The following UBAP1 variants were observed in gnomAD, a reference collection of about 807,000 sequenced individuals.
UBAP1 encodes ubiquitin associated protein 1.
Under a neutral mutation model 39.0 loss-of-function variants are expected in UBAP1, and 5 were observed. That is an observed-to-expected ratio of 0.13 (90% CI 0.07 to 0.27). The LOEUF (loss-of-function observed/expected upper bound fraction) is 0.27. Ranked by LOEUF, UBAP1 falls within the 10% of genes least tolerant of loss-of-function variation. The probability of loss-of-function intolerance (pLI) is 1.00; values close to 1 mark genes in which losing one functional copy is unlikely to be tolerated. For synonymous variants in UBAP1, 211 were observed against 225.1 expected (o/e 0.94, Z 0.56); for missense variants, 490 against 608.1 (o/e 0.81, Z 2.04).
At chr9:34,186,590 A>AT (rs1563884160) in intron 1 of UBAP1, among the ~76,000 whole-genome samples, 116 of 151,916 alleles carry the variant, frequency 7.6e-4, no homozygotes, top group African/African-American at 2.7e-3. Flanking sequence ...AATTGTATCT[A>AT]TAGTGTTTTT....
At chr9:34,234,160 GCAAAA>G in intron 2 of UBAP1, 51 bp from the exon 3 acceptor site, 1 of 1,545,892 alleles carries the variant, frequency 6.5e-7, no homozygotes, top group African/African-American at 1.4e-5. Context: ...TAAGATTATG[GCAAAA>G]CAAATAATGA....
rs755532776 is a variant in UBAP1 at position 34,179,113 on chromosome 9, G to A, written c.-135G>A. ...ACGGTGACGGCCTGGCCCGGAGCGG[G>A]CAGAGTTGGAGGTGGTGGCGTTCGC... On this transcript the variant is annotated 5_prime_UTR_variant, in exon 1 of 7. Transcript: ENST00000297661. The A allele has an allele frequency of 2.0e-5, 25 of 1,275,848 alleles. No homozygotes were observed. Among genetic ancestry groups the A allele is most frequent in the Non-Finnish European group, 2.4e-5 (24 of 1,009,076 alleles). The allele number at this position is 1,275,848 out of a possible 1,614,324, so 79.0% of individuals were successfully genotyped here.
chr9:34,251,408 A>G lies in UBAP1; in HGVS notation c.1385A>G (p.Gln462Arg). The G allele has an allele frequency of 6.2e-7, 1 of 1,614,178 alleles. No individual in the cohort carries two copies. Among genetic ancestry groups the G allele is most frequent in the South Asian group, 1.1e-5 (1 of 91,078 alleles). ...CTCCCTTAGATGATGGAGTTTCTTC[A>G]GTTAATGAGCAAATTTAAGGAGATG... ...CSEEKMMEFL[Q>R]LMSKFKEMGF... The change falls in exon 7 of 7, where the codon CAG becomes CGG. Residue 462 changes from glutamine to arginine, a missense_variant. This residue lies in a region of UBAP1 where 339 missense variants were observed against 390.0 expected (regional missense o/e 0.87). Transcript: ENST00000297661.
chr9:34,185,482 G>A (rs1830355747), intron 1 of UBAP1, among the ~76,000 whole-genome samples: 1 of 152,094 alleles, frequency 6.6e-6, no homozygotes, highest in African/African-American at 2.4e-5. Flanking sequence ...TCAGGAAGTC[G>A]AGGCTGCAGT....
intron 1 of UBAP1, among the ~76,000 whole-genome samples, chr9:34,216,723 G>A (rs1178528465): frequency 7.5e-6 from 1 of 133,030 alleles, no homozygotes; most frequent in Admixed American, 9.1e-5. Context: ...CATGGCTCAC[G>A]GCAACCTTTG....
Position 34,251,447 on chromosome 9 carries a change from A to G in UBAP1, c.1424A>G (p.Lys475Arg). The G allele has an allele frequency of 1.2e-6, 2 of 1,614,138 alleles. No homozygotes were observed. The highest frequency in any genetic ancestry group is 1.7e-6 in the Non-Finnish European group (2 of 1,179,994). ...TTTAAGGAGATGGGCTTTGAGCTGA[A>G]AGACATTAAGGAAGTTTTGCTATTA... ...SKFKEMGFEL[K>R]DIKEVLLLHN... Residue 475 changes from lysine to arginine, a missense_variant, in exon 7 of 7, where the codon AAA becomes AGA. This residue lies in a region of UBAP1 where 339 missense variants were observed against 390.0 expected (regional missense o/e 0.87). Transcript: ENST00000297661.
intron 1 of UBAP1, among the ~76,000 whole-genome samples, chr9:34,196,962 C>G (rs1338541861): frequency 6.7e-6 from 1 of 150,104 alleles, no homozygotes; most frequent in African/African-American, 2.5e-5. Flanking sequence ...GAGTCTCACT[C>G]TGTAACCCAG....
chr9:34,226,133 G>GTGTT lies in UBAP1; in HGVS notation c.34+5188_34+5189insTTGT, dbSNP rs1554650852. Among the ~76,000 whole-genome samples the GTGTT allele has an allele frequency of 7.9e-3, 1,126 of 143,310 alleles. 13 individuals carry two copies. The highest frequency in any genetic ancestry group is 0.023 in the African/African-American group (864 of 37,564). The allele number at this position is 143,310 out of a possible 152,430, so 94.0% of individuals were successfully genotyped here. A position where few individuals can be genotyped will look rare whatever the true frequency, so the allele number is the denominator to read the frequency against. On this transcript the variant is annotated intron_variant, in intron 2 of 6. Coordinates refer to ENST00000297661, the MANE Select transcript of UBAP1 (RefSeq NM_016525.5). The stretch of plus-strand genomic sequence containing the variant: ...TGTGTGTGTGTGTGTGTGTGTGTGT[G>GTGTT]TGTGTGTGTGTGTGTGTGTGTGTGG...
chr9:34,193,562 C>G (rs1409829567), intron 1 of UBAP1, among the ~76,000 whole-genome samples: 1 of 152,106 alleles, frequency 6.6e-6, no homozygotes, highest in Non-Finnish European at 1.5e-5. Context: ...GATCTTATGA[C>G]CCACTGTCTT....
intron 1 of UBAP1, among the ~76,000 whole-genome samples, chr9:34,187,822 G>T (rs1370886652): frequency 2.1e-5 from 3 of 146,224 alleles, no homozygotes; most frequent in Non-Finnish European, 3.0e-5. Context: ...AATGTTTTTT[G>T]CTTTTTTTAA....
chr9:34,179,392 C>T (rs777223143), intron 1 of UBAP1, among the ~76,000 whole-genome samples, 152 bp downstream of exon 1: 5 of 151,792 alleles, frequency 3.3e-5, no homozygotes, highest in African/African-American at 4.8e-5. Context: ...CGGAGATCCG[C>T]GATTCGGGGA....
Position 34,251,690 on chromosome 9 carries a change from CCT to C in UBAP1, c.*159_*160del. The C allele has an allele frequency of 1.2e-6, 1 of 804,470 alleles. No homozygotes were observed. The highest frequency in any genetic ancestry group is 2.9e-5 in the Admixed American group (1 of 34,238). 49.8% of individuals were successfully genotyped at this position (804,470 alleles called of 1,614,324 possible). ...CTCGCCAGTCTCTGTGAGCCTAGGC[CCT>C]GAGCTGGGGAGGTGGGGAAGATTCG... On this transcript the variant is annotated 3_prime_UTR_variant, in exon 7 of 7. Transcript: ENST00000297661.
chr9:34,193,553 A>G (rs1029647075), intron 1 of UBAP1, among the ~76,000 whole-genome samples: 4 of 152,022 alleles, frequency 2.6e-5, no homozygotes, highest in Non-Finnish European at 5.9e-5. Context: ...GGGGCCCTGG[A>G]TCTTATGACC....
chr9:34,194,162 A>G (rs1313433339), intron 1 of UBAP1, among the ~76,000 whole-genome samples: 2 of 152,104 alleles, frequency 1.3e-5, no homozygotes, highest in Non-Finnish European at 1.5e-5. Flanking sequence ...TCAAATAATT[A>G]TATTCTCTGG....
At chr9:34,248,989 G>T (rs1363743033) in intron 4 of UBAP1, among the ~76,000 whole-genome samples, 1 of 152,016 alleles carries the variant, frequency 6.6e-6, no homozygotes, top group Non-Finnish European at 1.5e-5. Context: ...CAGAAGTGGT[G>T]GGGGAGTTAA....
chr9:34,250,088 G>A, intron 5 of UBAP1, 127 bp downstream of exon 5: 1 of 1,004,730 alleles, frequency 1.0e-6, no homozygotes. Flanking sequence ...GAGGACACGG[G>A]GCATGTTTTG....
chr9:34,182,681 T>TCTCTCTCTCTCTC (rs1554645042), intron 1 of UBAP1, among the ~76,000 whole-genome samples: 39 of 115,586 alleles, frequency 3.4e-4, no homozygotes, highest in African/African-American at 1.1e-3. Context: ...CTTTCTTTCT[T>TCTCTCTCTCTCTC]TCTCTCTCTC....
At chr9:34,187,099 G>A (rs1315633581) in intron 1 of UBAP1, among the ~76,000 whole-genome samples, 1 of 152,056 alleles carries the variant, frequency 6.6e-6, no homozygotes, top group Admixed American at 6.6e-5. Context: ...GTAGAGACAG[G>A]GTTTCATCAT....
At chr9:34,242,697 G>GT (rs1166955465) in intron 4 of UBAP1, among the ~76,000 whole-genome samples, 28 of 152,132 alleles carry the variant, frequency 1.8e-4, no homozygotes, top group East Asian at 9.7e-4. Flanking sequence ...GCTAATTTTT[G>GT]TATTTTTAGT....
Sources: allele counts gnomAD v4.1 joint callset (sites outside exome capture counted in the v4.1 genomes callset), GRCh38; gene constraint gnomAD v4.1.1; regional missense constraint gnomAD v4.1.1; transcripts MANE v1.5; gene names NCBI Gene and HGNC (gene_info 2026-07-23, HGNC 2026-07-21).